C5orf47: variants seen among roughly 807,000 people sequenced by gnomAD.
The protein encoded by C5orf47 is uncharacterized protein C5orf47.
C5orf47 carries 20 observed loss-of-function variants against 20.6 expected under a neutral mutation model. That is an observed-to-expected ratio of 0.97 (90% confidence interval 0.68 to 1.41). The LOEUF is 1.41. Among genes scored for constraint, C5orf47 ranks in the 40% most tolerant of loss-of-function variants. The probability of loss-of-function intolerance (pLI) is 0.00; values close to 1 mark genes in which losing one functional copy is unlikely to be tolerated. For synonymous variants in C5orf47, 106 were observed against 97.3 expected (o/e 1.09, Z -0.53); for missense variants, 262 against 238.4 (o/e 1.10, Z -0.65).
chr5:173,996,802 G>A (rs1168782505), intron 1 of C5orf47, among the ~76,000 whole-genome samples: 1 of 152,140 alleles, frequency 6.6e-6, no homozygotes, highest in Non-Finnish European at 1.5e-5. Context: ...TGTCTGCTGA[G>A]AGTTGTCTGT....
At chr5:173,992,090 G>T (rs1047456877) in intron 1 of C5orf47, among the ~76,000 whole-genome samples, 2 of 152,138 alleles carry the variant, frequency 1.3e-5, no homozygotes, top group African/African-American at 4.8e-5. Flanking sequence ...TTGCATAGAT[G>T]TCTGCAAAGT....
At chr5:173,997,480 G>A (rs543908535) in intron 1 of C5orf47, among the ~76,000 whole-genome samples, 9 of 152,338 alleles carry the variant, frequency 5.9e-5, no homozygotes, top group East Asian at 1.9e-4. Context: ...GTACTACTAT[G>A]TGTGTGGTAG....
At chr5:174,003,002 C>T (rs560555193) in intron 4 of C5orf47, among the ~76,000 whole-genome samples, 10 of 152,262 alleles carry the variant, frequency 6.6e-5, no homozygotes, top group Middle Eastern at 3.4e-3. Flanking sequence ...ACGTTGTATA[C>T]GTAATGTAAC....
rs1759251960 is a variant in C5orf47 at position 174,004,476 on chromosome 5, A to G, written c.*222A>G. On this transcript the variant is annotated 3_prime_UTR_variant, in exon 5 of 5. Coordinates refer to ENST00000340147, the MANE Select transcript of C5orf47 (RefSeq NM_001144954.2). Reference sequence around the variant, plus strand: ...CCTTTAGTTAAATATTGTTAACCATATGCATGCAAGTGTTATTTTCAGAAT... The same window carrying G: ...CCTTTAGTTAAATATTGTTAACCATGTGCATGCAAGTGTTATTTTCAGAAT... The G allele has an allele frequency of 6.6e-6, 1 of 152,222 alleles. No individual in the cohort carries two copies. Among genetic ancestry groups the G allele is most frequent in the Non-Finnish European group, 1.5e-5 (1 of 68,006 alleles). The allele number at this position is 152,222 out of a possible 1,614,324, so 9.4% of individuals were successfully genotyped here.
At chr5:173,992,030 T>C (rs1759006364) in intron 1 of C5orf47, among the ~76,000 whole-genome samples, 2 of 152,194 alleles carry the variant, frequency 1.3e-5, no homozygotes, top group East Asian at 1.9e-4. Context: ...ATTTTAGTAA[T>C]CTGTATTTCC....
At chr5:174,001,772 C>T (rs922868157) in intron 4 of C5orf47, among the ~76,000 whole-genome samples, 9 of 151,818 alleles carry the variant, frequency 5.9e-5, no homozygotes, top group African/African-American at 2.2e-4. Flanking sequence ...TTTACATATT[C>T]ACTCTGAGAT....
intron 1 of C5orf47, among the ~76,000 whole-genome samples, chr5:173,992,563 C>A (rs1759018246): frequency 6.6e-6 from 1 of 151,978 alleles, no homozygotes; most frequent in Admixed American, 6.6e-5. Context: ...GAATTTAATT[C>A]ATTTATTTTT....
chr5:173,997,821 T>G (rs1011676119), intron 1 of C5orf47, among the ~76,000 whole-genome samples: 2 of 152,190 alleles, frequency 1.3e-5, no homozygotes, highest in African/African-American at 2.4e-5. Flanking sequence ...CTGAGAAGAA[T>G]GGAGACTGTA....
chr5:174,006,454 T>TA (rs1759294806), downstream of C5orf47, among the ~76,000 whole-genome samples: 3 of 152,296 alleles, frequency 2.0e-5, no homozygotes, highest in East Asian at 5.8e-4. Context: ...CCAGGTCACC[T>TA]GAAAGGTTTC....
intron 1 of C5orf47, among the ~76,000 whole-genome samples, chr5:173,995,319 A>C (rs1328823351): frequency 2.0e-5 from 3 of 152,168 alleles, no homozygotes; most frequent in Non-Finnish European, 4.4e-5. Context: ...AGTAGATATG[A>C]GTGTTGTAAG....
intron 1 of C5orf47, among the ~76,000 whole-genome samples, chr5:173,989,889 C>T (rs541602630): frequency 6.6e-6 from 1 of 152,146 alleles, no homozygotes; most frequent in South Asian, 2.1e-4. Context: ...TCGTTGACTT[C>T]GCAAACCCCC....
At chr5:174,001,854 C>T (rs1221912434) in intron 4 of C5orf47, among the ~76,000 whole-genome samples, 1 of 152,066 alleles carries the variant, frequency 6.6e-6, no homozygotes, top group African/African-American at 2.4e-5. Flanking sequence ...CTACCCTTGA[C>T]CTCTGGTTAT....
chr5:173,992,249 T>A (rs948736215), intron 1 of C5orf47, among the ~76,000 whole-genome samples: 2 of 143,882 alleles, frequency 1.4e-5, no homozygotes, highest in African/African-American at 5.6e-5. Flanking sequence ...TTTTTTTTTT[T>A]ACTAAGCTAA....
downstream of C5orf47, among the ~76,000 whole-genome samples, chr5:174,006,620 T>C (rs1759297157): frequency 1.3e-5 from 2 of 152,188 alleles, no homozygotes; most frequent in African/African-American, 4.8e-5. Flanking sequence ...AGTAAACTTA[T>C]AAAATAGTGA....
rs531874264 is a variant in C5orf47, at chr5:173,996,171, G to A, written c.326-1982G>A. 6.3e-4 allele frequency among the ~76,000 whole-genome samples: 96 copies of A among 152,268 alleles called. 1 individual carries two copies. The highest frequency in any genetic ancestry group is 2.3e-3 in the African/African-American group (96 of 41,528). On this transcript the variant is annotated intron_variant, in intron 1 of 4. Transcript: ENST00000340147. ...TGGGGCTGAGATAGGAGAATTAGGT[G>A]GGGAAAACATGTGAACAAAGCACCG...
intron 1 of C5orf47, among the ~76,000 whole-genome samples, chr5:173,990,411 G>C (rs1317303379): frequency 6.6e-6 from 1 of 151,922 alleles, no homozygotes; most frequent in African/African-American, 2.4e-5. Context: ...ATGAGCCACT[G>C]GGCCAAGCCT....
At chr5:173,994,813 TTG>T (rs769058770) in intron 1 of C5orf47, among the ~76,000 whole-genome samples, 1 of 152,188 alleles carries the variant, frequency 6.6e-6, no homozygotes, top group East Asian at 1.9e-4. Flanking sequence ...TACTTAATGT[TTG>T]TTTTTGTTTT....
downstream of C5orf47, among the ~76,000 whole-genome samples, chr5:174,007,171 C>T (rs1759305577): frequency 2.0e-5 from 3 of 152,026 alleles, no homozygotes; most frequent in African/African-American, 7.3e-5. Context: ...GGATGCTTGT[C>T]TGGTGGAGTA....
chr5:173,992,754 C>A (rs1158778860), intron 1 of C5orf47, among the ~76,000 whole-genome samples: 2 of 152,032 alleles, frequency 1.3e-5, no homozygotes, highest in Non-Finnish European at 2.9e-5. Context: ...CAGCGCATTT[C>A]TAATTTTTAT....
Sources: allele counts gnomAD v4.1 joint callset (sites outside exome capture counted in the v4.1 genomes callset), GRCh38; gene constraint gnomAD v4.1.1; transcripts MANE v1.5; gene names NCBI Gene and HGNC (gene_info 2026-07-23, HGNC 2026-07-21).